LRRC4C: variants seen among roughly 807,000 people sequenced by gnomAD.
LRRC4C encodes the protein leucine rich repeat containing 4C, also known as leucine-rich repeat-containing protein 4C.
Under a neutral mutation model 33.6 loss-of-function variants are expected in LRRC4C, and 5 were observed. That is an observed-to-expected ratio of 0.15 (90% CI 0.08 to 0.31). The LOEUF (loss-of-function observed/expected upper bound fraction) is 0.31, where lower values mean the gene tolerates loss of function less well. LRRC4C is among the 10% of genes least tolerant of loss of function. LRRC4C has a pLI of 1.00. For synonymous variants in LRRC4C, 329 were observed against 302.0 expected (o/e 1.09, Z -0.93); for missense variants, 560 against 796.7 (o/e 0.70, Z 3.58).
At chr11:40,881,071 A>G (rs891620505) in intron 2 of LRRC4C, among the ~76,000 whole-genome samples, 2 of 151,978 alleles carry the variant, frequency 1.3e-5, no homozygotes, top group Admixed American at 6.6e-5. Flanking sequence ...GATTAAAAAA[A>G]ATTGTGCCCT....
At chr11:41,349,121 T>C (rs1951893288) in intron 1 of LRRC4C, among the ~76,000 whole-genome samples, 1 of 152,180 alleles carries the variant, frequency 6.6e-6, no homozygotes, top group African/African-American at 2.4e-5. Context: ...CCAGCATCCC[T>C]GCCTGGTCAC....
intron 2 of LRRC4C, among the ~76,000 whole-genome samples, chr11:40,660,958 G>A (rs1190843544): frequency 6.6e-6 from 1 of 152,188 alleles, no homozygotes; most frequent in Non-Finnish European, 1.5e-5. Flanking sequence ...AAGAGGGAAT[G>A]TATCACCTAA....
chr11:40,446,003 A>AT (rs1490437008), intron 3 of LRRC4C: 3 of 152,054 alleles, frequency 2.0e-5, no homozygotes, highest in Admixed American at 6.6e-5. Flanking sequence ...CACACATATG[A>AT]TTTTCTCCCA....
intron 2 of LRRC4C, among the ~76,000 whole-genome samples, chr11:40,788,850 T>C (rs1430226542): frequency 6.6e-6 from 1 of 152,090 alleles, no homozygotes; most frequent in Non-Finnish European, 1.5e-5. Flanking sequence ...CCCAGCACTA[T>C]GGGAGGCCGA....
chr11:40,919,600 T>A (rs1360797922), intron 2 of LRRC4C, among the ~76,000 whole-genome samples: 3 of 152,150 alleles, frequency 2.0e-5, no homozygotes, highest in Non-Finnish European at 4.4e-5. Flanking sequence ...ATTATCTTAC[T>A]GTCTGTCTCC....
intron 5 of LRRC4C, among the ~76,000 whole-genome samples, chr11:40,215,022 A>G (rs767533148): frequency 6.6e-6 from 1 of 152,072 alleles, no homozygotes; most frequent in Non-Finnish European, 1.5e-5. Context: ...TGTCTGCATA[A>G]TTGACATTAA....
chr11:40,317,988 A>G (rs1430048781), intron 4 of LRRC4C, among the ~76,000 whole-genome samples: 1 of 152,082 alleles, frequency 6.6e-6, no homozygotes, highest in African/African-American at 2.4e-5. Context: ...CTTACATATT[A>G]GCTTCCAGAG....
intron 2 of LRRC4C, among the ~76,000 whole-genome samples, chr11:40,851,480 G>C (rs1177395681): frequency 6.6e-6 from 1 of 152,104 alleles, no homozygotes; most frequent in Non-Finnish European, 1.5e-5. Context: ...TGTCTAACTG[G>C]TCCCAGTGAG....
Position 40,227,620 on chromosome 11 carries a change from G to A in LRRC4C, c.-96+13899C>T, listed in dbSNP as rs148577079. Among the ~76,000 whole-genome samples the A allele has an allele frequency of 9.7e-4, 147 of 152,186 alleles. 2 individuals carry two copies. The highest frequency in any genetic ancestry group is 6.5e-3 in the Admixed American group (99 of 15,288). On this transcript the variant is annotated intron_variant, in intron 5 of 6. Transcript: ENST00000528697. The stretch of plus-strand genomic sequence containing the variant: ...ATGGAGGGTATGCAGTGTCACATCC[G>A]AATGCATGATGACTCCCCTGCATTC...
chr11:41,304,883 C>T lies in LRRC4C; in HGVS notation c.-496+154548G>A, dbSNP rs550511845. Reference sequence around the variant, plus strand: ...GAGGGAGGTGGGGGTATCAGCCCTCCGCCCGGCCAGCCGCCCCATCCGGGA... The same window carrying T: ...GAGGGAGGTGGGGGTATCAGCCCTCTGCCCGGCCAGCCGCCCCATCCGGGA... On this transcript the variant is annotated intron_variant, in intron 1 of 6. Coordinates refer to ENST00000528697, the MANE Select transcript of LRRC4C (RefSeq NM_001258419.2). Among the ~76,000 whole-genome samples the T allele has an allele frequency of 5.0e-4, 49 of 97,310 alleles. 6 individuals are homozygous for T. The highest frequency in any genetic ancestry group is 1.6e-3 in the African/African-American group (41 of 25,340). The allele number at this position is 97,310 out of a possible 152,430, so 63.8% of individuals were successfully genotyped here. A position where few individuals can be genotyped will look rare whatever the true frequency, so the allele number is the denominator to read the frequency against.
intron 1 of LRRC4C, among the ~76,000 whole-genome samples, chr11:41,184,936 TAGAGAAAG>T (rs1195740097): frequency 6.6e-6 from 1 of 150,592 alleles, no homozygotes; most frequent in Admixed American, 6.7e-5. Flanking sequence ...GGCAGGCAAA[TAGAGAAAG>T]AGAGAAAGAG....
chr11:41,281,082 T>TCTCTCTCTCTGTC (rs1555135131), intron 1 of LRRC4C, among the ~76,000 whole-genome samples: 30 of 90,918 alleles, frequency 3.3e-4, no homozygotes, highest in Admixed American at 5.6e-4. Flanking sequence ...CTCTGTCCTC[T>TCTCTCTCTCTGTC]CTCTCTCTCT....
intron 2 of LRRC4C, among the ~76,000 whole-genome samples, chr11:40,759,285 C>G (rs1454344345): frequency 6.8e-6 from 1 of 147,860 alleles, no homozygotes; most frequent in Non-Finnish European, 1.5e-5. Context: ...TATACATCTT[C>G]CATATATATG....
rs573302336 is a variant in LRRC4C, at chr11:41,427,624, A to G, written c.-496+31807T>C. ...GACAAGCTTGATATGTTTTAGAAAC[A>G]GTAGGAAGCCAGGTGCTGTTTAAAT... On this transcript the variant is annotated intron_variant, in intron 1 of 6. Coordinates refer to ENST00000528697, the MANE Select transcript of LRRC4C (RefSeq NM_001258419.2). 2.0e-5 allele frequency among the ~76,000 whole-genome samples: 3 copies of G among 152,294 alleles called. No individual in the cohort carries two copies. The East Asian group carries it at 5.8e-4, about 29-fold the overall frequency.
At chr11:41,250,366 A>ATATATAAAAC (rs1196014882) in intron 1 of LRRC4C, among the ~76,000 whole-genome samples, 8 of 152,344 alleles carry the variant, frequency 5.3e-5, no homozygotes, top group African/African-American at 1.7e-4. Context: ...GACTTTCAAA[A>ATATATAAAAC]TATATAAAAC....
In LRRC4C at chr11:40,163,777, C is replaced by T. The variant is rs150816433; in HGVS notation, c.-95-22924G>A. On this transcript the variant is annotated intron_variant, in intron 5 of 6. Coordinates refer to ENST00000528697, the MANE Select transcript of LRRC4C (RefSeq NM_001258419.2). ...CCCTGAGCCACACCCTTATATAATC[C>T]TCCCACTGAGTATGAATAGGATTTA... Among the ~76,000 whole-genome samples, 45 of 152,158 alleles carry T rather than the reference C, an allele frequency of 3.0e-4. No individual in the cohort carries two copies. In the East Asian group the frequency reaches 8.3e-3, roughly 28 times the overall value.
chr11:41,397,500 C>T (rs1011105662), intron 1 of LRRC4C, among the ~76,000 whole-genome samples: 32 of 151,638 alleles, frequency 2.1e-4, no homozygotes, highest in African/African-American at 6.5e-4. Flanking sequence ...ATATAACATG[C>T]AAAATATGTG....
chr11:40,775,270 C>A (rs941737645), intron 2 of LRRC4C, among the ~76,000 whole-genome samples: 1 of 151,908 alleles, frequency 6.6e-6, no homozygotes, highest in Non-Finnish European at 1.5e-5. Flanking sequence ...ATTAGCTGGG[C>A]GTGGTGGCTG....
At chr11:41,019,034 C>A (rs1263205218) in intron 1 of LRRC4C, among the ~76,000 whole-genome samples, 1 of 152,050 alleles carries the variant, frequency 6.6e-6, no homozygotes, top group African/African-American at 2.4e-5. Flanking sequence ...CATCCTAAAC[C>A]CCTACTGTTT....
Sources: allele counts gnomAD v4.1 joint callset (sites outside exome capture counted in the v4.1 genomes callset), GRCh38; gene constraint gnomAD v4.1.1; transcripts MANE v1.5; gene names NCBI Gene and HGNC (gene_info 2026-07-23, HGNC 2026-07-21).